EYA1: variants seen among roughly 807,000 people sequenced by gnomAD.
The protein encoded by EYA1 is EYA transcriptional coactivator and phosphatase 1, also known as protein phosphatase EYA1.
A neutral mutation model predicts 82.0 loss-of-function variants in EYA1; 16 were observed. The ratio of observed to expected loss-of-function variants is 0.20; its 90% CI spans 0.13 to 0.30. The LOEUF is 0.30. Ranked by LOEUF, EYA1 falls within the 10% of genes least tolerant of loss-of-function variation. The probability of loss-of-function intolerance (pLI) is 1.00; values close to 1 mark genes in which losing one functional copy is unlikely to be tolerated. For synonymous variants in EYA1, 261 were observed against 264.4 expected, an observed-to-expected ratio of 0.99 and a Z score of 0.12; for missense variants, 633 against 730.7, an observed-to-expected ratio of 0.87 and a Z score of 1.54.
intron 12 of EYA1, among the ~76,000 whole-genome samples, chr8:71,226,271 T>G (rs1810544747): frequency 6.6e-6 from 1 of 152,094 alleles, no homozygotes; most frequent in Non-Finnish European, 1.5e-5. Context: ...TTAAAAAAAA[T>G]AAGACATCAT....
intron 2 of EYA1, among the ~76,000 whole-genome samples, chr8:71,373,726 T>G (rs778857796): frequency 4.6e-5 from 7 of 152,156 alleles, no homozygotes; most frequent in Non-Finnish European, 8.8e-5. Context: ...TCACACGTCC[T>G]GATTTCAAAC....
intron 4 of EYA1, among the ~76,000 whole-genome samples, chr8:71,326,699 C>T (rs1485790000): frequency 6.6e-6 from 1 of 152,116 alleles, no homozygotes; most frequent in Non-Finnish European, 1.5e-5. Context: ...AACTTAACCT[C>T]CCTTCCTTCC....
chr8:71,276,766 T>G (rs1218763742), intron 9 of EYA1, among the ~76,000 whole-genome samples: 1 of 152,194 alleles, frequency 6.6e-6, no homozygotes, highest in Non-Finnish European at 1.5e-5. Context: ...AACGACAGTC[T>G]AGATTTTAAG....
intron 3 of EYA1, among the ~76,000 whole-genome samples, chr8:71,336,763 C>A (rs1167281347): frequency 1.3e-5 from 2 of 152,108 alleles, no homozygotes; most frequent in Non-Finnish European, 1.5e-5. Context: ...TCCCTTTTCC[C>A]AATGAACCCA....
rs544061519 is a variant in EYA1 at position 71,486,913 on chromosome 8, A to T, written c.33+48831T>A. Among the ~76,000 whole-genome samples the T allele has an allele frequency of 4.0e-5, 6 of 149,600 alleles. No individual in the cohort carries two copies. In the East Asian group the frequency reaches 1.2e-3, roughly 29 times the overall value. ...TAACAGAAGTGCTATTTTCATCTCC[A>T]TTTGTGTGACTTGTGCGTCACTTCT... On this transcript the variant is annotated intron_variant, in intron 2 of 18. Transcript: ENST00000643681.
intron 2 of EYA1, among the ~76,000 whole-genome samples, chr8:71,505,999 C>T (rs1812166759): frequency 6.6e-6 from 1 of 152,194 alleles, no homozygotes; most frequent in South Asian, 2.1e-4. Flanking sequence ...CTCTCTCCTG[C>T]TGCCTTGTGC....
chr8:71,470,451 A>G (rs997333112), intron 2 of EYA1, among the ~76,000 whole-genome samples: 5 of 152,066 alleles, frequency 3.3e-5, no homozygotes, highest in Admixed American at 1.3e-4. Context: ...AATTTGCTAC[A>G]AGAACCTGAG....
chr8:71,469,137 C>A (rs1275420796), intron 2 of EYA1, among the ~76,000 whole-genome samples: 5 of 150,122 alleles, frequency 3.3e-5, no homozygotes, highest in African/African-American at 9.9e-5. Flanking sequence ...GTTTTAGGCA[C>A]CCTAGTACAT....
intron 11 of EYA1, among the ~76,000 whole-genome samples, chr8:71,265,989 G>A (rs553076724): frequency 2.9e-4 from 44 of 152,276 alleles, no homozygotes; most frequent in African/African-American, 9.1e-4. Flanking sequence ...AGGATTACAC[G>A]GAAGGTGGGA....
chr8:71,203,023 A>C (rs1807258283), intron 17 of EYA1, among the ~76,000 whole-genome samples: 1 of 152,234 alleles, frequency 6.6e-6, no homozygotes, highest in Non-Finnish European at 1.5e-5. Context: ...TCTTGCATCA[A>C]TGTTTAGCCA....
At chr8:71,456,921 A>C (rs1586754951) in intron 2 of EYA1, among the ~76,000 whole-genome samples, 1 of 152,206 alleles carries the variant, frequency 6.6e-6, no homozygotes, top group East Asian at 1.9e-4. Context: ...GGATCTAATT[A>C]AACTAAAGAG....
At chr8:71,398,094 TTG>T (rs1295008740) in intron 2 of EYA1, among the ~76,000 whole-genome samples, 1 of 152,192 alleles carries the variant, frequency 6.6e-6, no homozygotes, top group Non-Finnish European at 1.5e-5. Context: ...GTACTTATGC[TTG>T]TGCATGTGTC....
Position 71,488,213 on chromosome 8 carries a change from C to A in EYA1, c.33+47531G>T, listed in dbSNP as rs79178890. ...ATCAATGATATAAAGGATAAATATA[C>A]ATCAATGATATAAAGGATAAATATA... On this transcript the variant is annotated intron_variant, in intron 2 of 18. Coordinates refer to the EYA1 transcript ENST00000643681. Among the ~76,000 whole-genome samples the A allele has an allele frequency of 1.2e-4, 18 of 151,114 alleles. No individual in the cohort carries two copies. The South Asian group carries it at 3.8e-3, about 32-fold the overall frequency.
At chr8:71,217,365 C>G (rs1809341893) in intron 12 of EYA1, among the ~76,000 whole-genome samples, 1 of 152,182 alleles carries the variant, frequency 6.6e-6, no homozygotes, top group South Asian at 2.1e-4. Flanking sequence ...CAGTCAGTGC[C>G]TAAGCATAAC....
At chr8:71,383,288 A>G (rs1404082752) in intron 2 of EYA1, among the ~76,000 whole-genome samples, 1 of 152,148 alleles carries the variant, frequency 6.6e-6, no homozygotes, top group Non-Finnish European at 1.5e-5. Context: ...TGTTAAAAGT[A>G]AAGATACTAA....
At chr8:71,252,041 G>T (rs1158982273) in intron 11 of EYA1, among the ~76,000 whole-genome samples, 1 of 152,002 alleles carries the variant, frequency 6.6e-6, no homozygotes, top group Non-Finnish European at 1.5e-5. Flanking sequence ...GTATATAAAT[G>T]CATGTGTGTA....
chr8:71,347,272 C>T (rs983442699), intron 3 of EYA1, among the ~76,000 whole-genome samples: 3 of 152,254 alleles, frequency 2.0e-5, no homozygotes, highest in South Asian at 4.1e-4. Context: ...GTCACTTAAA[C>T]CCTCTAAAAT....
At chr8:71,354,954 A>G (rs755103663) in intron 2 of EYA1, 45 bp from the exon 3 acceptor site, 5 of 1,599,048 alleles carry the variant, frequency 3.1e-6, no homozygotes, top group Non-Finnish European at 4.3e-6. Context: ...CCAAATTCAT[A>G]ACACCACCAT....
intron 12 of EYA1, among the ~76,000 whole-genome samples, chr8:71,230,106 T>A (rs2128879189): frequency 6.6e-6 from 1 of 152,206 alleles, no homozygotes; most frequent in South Asian, 2.1e-4. Context: ...GGACTGCAAC[T>A]TAAACACATT....
Sources: allele counts gnomAD v4.1 joint callset (sites outside exome capture counted in the v4.1 genomes callset), GRCh38; gene constraint gnomAD v4.1.1; transcripts MANE v1.5; gene names NCBI Gene and HGNC (gene_info 2026-07-23, HGNC 2026-07-21).